Variants in B3GALT1 observed in about 807,000 individuals in gnomAD.
B3GALT1 encodes UDP-Gal:betaGlcNAc beta 1,3-galactosyltransferase, polypeptide 1.
Under a neutral mutation model 23.2 loss-of-function variants are expected in B3GALT1, and 10 were observed. The observed-to-expected ratio is 0.43, with a 90% confidence interval of 0.27 to 0.73. The LOEUF (loss-of-function observed/expected upper bound fraction) is 0.73, where lower values mean the gene tolerates loss of function less well. Ranked by LOEUF, B3GALT1 falls within the 30% of genes least tolerant of loss-of-function variation. The pLI is 0.21. For synonymous variants in B3GALT1, 156 were observed against 141.5 expected (o/e 1.10, Z -0.73); for missense variants, 299 against 405.4 (o/e 0.74, Z 2.25).
At chr2:167,630,882 G>A (rs1574178359) in intron 2 of B3GALT1, among the ~76,000 whole-genome samples, 1 of 151,656 alleles carries the variant, frequency 6.6e-6, no homozygotes, top group South Asian at 2.1e-4. Flanking sequence ...GTCCCATTGT[G>A]TACAACTTTC....
intron 2 of B3GALT1, among the ~76,000 whole-genome samples, chr2:167,607,135 T>C (rs778324787): frequency 6.6e-6 from 1 of 152,134 alleles, no homozygotes; most frequent in Admixed American, 6.5e-5. Flanking sequence ...AACAGATTAT[T>C]TGAAGATGAT....
intron 3 of B3GALT1, among the ~76,000 whole-genome samples, chr2:167,750,046 G>A (rs897958552): frequency 1.3e-5 from 2 of 152,190 alleles, no homozygotes; most frequent in Admixed American, 6.5e-5. Context: ...TTAAATTTTA[G>A]TAGTTATGTA....
intron 2 of B3GALT1, among the ~76,000 whole-genome samples, chr2:167,544,952 TAAAATGA>T (rs1683603398): frequency 6.9e-6 from 1 of 144,798 alleles, no homozygotes; most frequent in Non-Finnish European, 1.5e-5. Flanking sequence ...AAAGCGAAAG[TAAAATGA>T]AAAAGAAAGT....
At chr2:167,567,247 A>C (rs897450933) in intron 2 of B3GALT1, among the ~76,000 whole-genome samples, 1 of 152,214 alleles carries the variant, frequency 6.6e-6, no homozygotes, top group East Asian at 1.9e-4. Context: ...AATAAGAAAT[A>C]GAATTAATCT....
At chr2:167,303,469 GA>G (rs1339407590) in intron 1 of B3GALT1, among the ~76,000 whole-genome samples, 4 of 152,022 alleles carry the variant, frequency 2.6e-5, no homozygotes, top group Non-Finnish European at 5.9e-5. Flanking sequence ...GTATGTCTGG[GA>G]GAATACCTCT....
chr2:167,789,762 C>G (rs1688402298), intron 3 of B3GALT1, among the ~76,000 whole-genome samples: 1 of 152,090 alleles, frequency 6.6e-6, no homozygotes, highest in African/African-American at 2.4e-5. Flanking sequence ...TCCTCCCCTA[C>G]AGCTTCTCCA....
chr2:167,368,363 C>T (rs1335748096), intron 1 of B3GALT1, among the ~76,000 whole-genome samples: 1 of 152,116 alleles, frequency 6.6e-6, no homozygotes, highest in Admixed American at 6.6e-5. Flanking sequence ...CTGTTGAATT[C>T]ATTACTTGGG....
intron 3 of B3GALT1, among the ~76,000 whole-genome samples, chr2:167,806,225 T>C (rs1688749693): frequency 6.6e-6 from 1 of 152,220 alleles, no homozygotes; most frequent in African/African-American, 2.4e-5. Context: ...AAGGAGATTT[T>C]GGGCTGAGAT....
At position 167,296,858 on chromosome 2, in the gene B3GALT1, A is replaced by G. The variant is rs192727784; in HGVS notation, c.-511+3524A>G. Among the ~76,000 whole-genome samples the G allele has an allele frequency of 2.4e-3, 372 of 152,234 alleles. 1 individual carries two copies. The highest frequency in any genetic ancestry group is 4.2e-3 in the Non-Finnish European group (287 of 67,978). Reference sequence around the variant, plus strand: ...CAATAGATCATAAAAATATAGTGATAACTTATATAGAATATTTATCTCCTA... The same window carrying G: ...CAATAGATCATAAAAATATAGTGATGACTTATATAGAATATTTATCTCCTA... On this transcript the variant is annotated intron_variant, in intron 1 of 4. Coordinates refer to ENST00000392690, the MANE Select transcript of B3GALT1 (RefSeq NM_020981.4).
At chr2:167,663,546 A>G (rs1481866928) in intron 3 of B3GALT1, among the ~76,000 whole-genome samples, 1 of 151,826 alleles carries the variant, frequency 6.6e-6, no homozygotes, top group Non-Finnish European at 1.5e-5. Context: ...ACTGACTTCC[A>G]CAATGGTTGA....
chr2:167,328,969 C>G lies in B3GALT1; in HGVS notation c.-511+35635C>G, dbSNP rs112622404. Among the ~76,000 whole-genome samples the G allele has an allele frequency of 3.6e-3, 542 of 152,182 alleles. 3 individuals are homozygous for G. Among genetic ancestry groups the G allele is most frequent in the Non-Finnish European group, 6.6e-3 (450 of 67,998 alleles). On this transcript the variant is annotated intron_variant, in intron 1 of 4. Coordinates refer to ENST00000392690, the MANE Select transcript of B3GALT1 (RefSeq NM_020981.4). ...CTGGGTCTACAGGGGCGCACCACCA[C>G]GCCTGGCTGATTTTTGTATTTTTAG...
chr2:167,588,891 T>C (rs956657932), intron 2 of B3GALT1, among the ~76,000 whole-genome samples: 1 of 147,942 alleles, frequency 6.8e-6, no homozygotes, highest in Non-Finnish European at 1.5e-5. Context: ...CCTTCCTTTC[T>C]TCCTTCTTTC....
At chr2:167,803,762 T>G (rs574338622) in intron 3 of B3GALT1, among the ~76,000 whole-genome samples, 1 of 151,958 alleles carries the variant, frequency 6.6e-6, no homozygotes, top group South Asian at 2.1e-4. Context: ...TAAGGAATAC[T>G]TTTTTTTATA....
At chr2:167,714,033 A>G in intron 3 of B3GALT1, 1 of 1,540,396 alleles carries the variant, frequency 6.5e-7, no homozygotes, top group Non-Finnish European at 9.0e-7. Context: ...GCAGGGAGAG[A>G]TGAATCAGGC....
chr2:167,811,721 G>A (rs1688892673), intron 3 of B3GALT1, among the ~76,000 whole-genome samples: 1 of 152,122 alleles, frequency 6.6e-6, no homozygotes, highest in Non-Finnish European at 1.5e-5. Flanking sequence ...ATCTTCTGGG[G>A]GCTGCTGCAG....
At chr2:167,760,430 C>T (rs1048140124) in intron 3 of B3GALT1, among the ~76,000 whole-genome samples, 6 of 152,236 alleles carry the variant, frequency 3.9e-5, no homozygotes, top group South Asian at 2.1e-4. Context: ...TGAATGAAGA[C>T]GCCGGATGTC....
In B3GALT1 at chr2:167,781,449, G is replaced by A. The variant is rs576783150; in HGVS notation, c.-351-37223G>A. On this transcript the variant is annotated intron_variant, in intron 3 of 4. Coordinates refer to ENST00000392690, the MANE Select transcript of B3GALT1 (RefSeq NM_020981.4). ...TTTCTATTTAAAGTTAAAGGCTGCCGGATGGGTGCAATACTACATTTAATA... is the reference window on the plus strand; with the variant it reads ...TTTCTATTTAAAGTTAAAGGCTGCCAGATGGGTGCAATACTACATTTAATA... Among the ~76,000 whole-genome samples, 11 of 152,216 alleles carry A rather than the reference G, an allele frequency of 7.2e-5. No homozygotes were observed. In the South Asian group the frequency reaches 2.1e-3, roughly 29 times the overall value.
intron 1 of B3GALT1, among the ~76,000 whole-genome samples, chr2:167,409,449 AT>A (rs1319097695): frequency 8.6e-5 from 13 of 151,722 alleles, no homozygotes; most frequent in Non-Finnish European, 1.3e-4. Context: ...TTGTTCATTC[AT>A]TTTCATTCTT....
chr2:167,365,070 C>T (rs191921182), intron 1 of B3GALT1, among the ~76,000 whole-genome samples: 150 of 152,168 alleles, frequency 9.9e-4, no homozygotes, highest in Middle Eastern at 6.8e-3. Flanking sequence ...ATGGGTGTTG[C>T]GTTTTCTGAT....
Sources: allele counts gnomAD v4.1 joint callset (sites outside exome capture counted in the v4.1 genomes callset), GRCh38; gene constraint gnomAD v4.1.1; transcripts MANE v1.5; gene names NCBI Gene and HGNC (gene_info 2026-07-23, HGNC 2026-07-21).